The following ACACA variants were observed in gnomAD, a reference collection of about 807,000 sequenced individuals.
ACACA encodes acetyl-CoA carboxylase 1.
Under a neutral mutation model 296.1 loss-of-function variants are expected in ACACA, and 103 were observed. The observed-to-expected ratio is 0.35, with a 90% confidence interval of 0.30 to 0.41. The LOEUF (loss-of-function observed/expected upper bound fraction) is 0.41, where lower values mean the gene tolerates loss of function less well. Among genes scored for constraint, ACACA ranks in the 10% least tolerant of loss-of-function variants. ACACA has a pLI of 1.00. For synonymous variants in ACACA, 953 were observed against 1,038.6 expected, an observed-to-expected ratio of 0.92 and a Z score of 1.58; for missense variants, 1,554 against 2,989.7, an observed-to-expected ratio of 0.52 and a Z score of 11.20.
intron 51 of ACACA, among the ~76,000 whole-genome samples, chr17:37,112,810 T>C (rs532943809): frequency 1.6e-4 from 25 of 152,340 alleles, no homozygotes; most frequent in African/African-American, 5.8e-4. Context: ...TATGAAAGGA[T>C]GCCAGATTAG....
In ACACA at chr17:37,259,473, G is replaced by A; in HGVS notation, c.1387C>T (p.Leu463=). 6.2e-7 allele frequency: 1 copy of A among 1,614,110 alleles called. No homozygotes were observed. ...GYVSAGTVEY[L]YSQDGSFYFL... ...TAGAAGCTGCCATCCTGGCTGTACA[G>A]GTATTCCACAGTCCCAGCACTCACA... Residue 463 remains leucine, a synonymous_variant, in exon 12 of 56, where the codon CTG becomes TTG. Transcript: ENST00000616317.
intron 3 of ACACA, among the ~76,000 whole-genome samples, chr17:37,316,275 G>C (rs2047081935): frequency 6.8e-6 from 1 of 147,336 alleles, no homozygotes; most frequent in South Asian, 2.1e-4. Context: ...TCTGCACATT[G>C]TCTACCCTAC....
At chr17:37,240,172 C>T (rs1387647634) in intron 24 of ACACA, among the ~76,000 whole-genome samples, 2 of 152,300 alleles carry the variant, frequency 1.3e-5, no homozygotes, top group East Asian at 3.9e-4. Context: ...AACCAACTTA[C>T]ACTACACAAG....
At chr17:37,106,772 A>C (rs2073712055) in intron 52 of ACACA, among the ~76,000 whole-genome samples, 1 of 152,068 alleles carries the variant, frequency 6.6e-6, no homozygotes, top group African/African-American at 2.4e-5. Context: ...TTTGGGACCA[A>C]GACACATTCT....
chr17:37,232,847 C>A (rs1249864381), intron 25 of ACACA, among the ~76,000 whole-genome samples: 2 of 151,954 alleles, frequency 1.3e-5, no homozygotes, highest in Non-Finnish European at 2.9e-5. Flanking sequence ...TCCTGGTTCA[C>A]ATGTTCAACC....
At chr17:37,167,270 CTTT>C (rs11387933) in intron 41 of ACACA, among the ~76,000 whole-genome samples, 12 of 105,530 alleles carry the variant, frequency 1.1e-4, no homozygotes, top group Admixed American at 1.1e-4. Flanking sequence ...ATGGTATTTT[CTTT>C]TTTTTTTTTT....
At chr17:37,230,875 G>A (rs1014306259) in intron 25 of ACACA, among the ~76,000 whole-genome samples, 2 of 152,180 alleles carry the variant, frequency 1.3e-5, no homozygotes, top group African/African-American at 4.8e-5. Context: ...TGGGATTACA[G>A]GTCACTTGCA....
At chr17:37,313,575 G>A (rs918556118) in intron 3 of ACACA, among the ~76,000 whole-genome samples, 5 of 152,110 alleles carry the variant, frequency 3.3e-5, no homozygotes, top group Non-Finnish European at 5.9e-5. Flanking sequence ...ATGAAAAGGC[G>A]CTTAACATCA....
rs561832130 is a variant in ACACA, at chr17:37,281,610, G to A, written c.610+1657C>T. On this transcript the variant is annotated intron_variant, in intron 5 of 55. Transcript: ENST00000616317. Reference sequence around the variant, plus strand: ...GGACCGGGCGCAGTGGCTTACACCTGTAATCCTAGTACTTTGGGAGGCCAA... The same window carrying A: ...GGACCGGGCGCAGTGGCTTACACCTATAATCCTAGTACTTTGGGAGGCCAA... Among the ~76,000 whole-genome samples, 14 of 152,296 alleles carry A rather than the reference G, an allele frequency of 9.2e-5. No individual in the cohort carries two copies. The East Asian group carries it at 1.7e-3, about 19-fold the overall frequency.
chr17:37,144,001 G>A, intron 45 of ACACA: 1 of 809,256 alleles, frequency 1.2e-6, no homozygotes, highest in Admixed American at 1.7e-5. Context: ...GAACGCTGAA[G>A]GAAGCCTCTT....
chr17:37,339,002 A>C (rs1178391067), intron 2 of ACACA, among the ~76,000 whole-genome samples: 1 of 152,032 alleles, frequency 6.6e-6, no homozygotes, highest in Non-Finnish European at 1.5e-5. Flanking sequence ...AAAGGGAGGG[A>C]AAAAGAAAGA....
chr17:37,234,942 CG>C (rs769146088), intron 25 of ACACA, 32 bp downstream of exon 25: 2 of 1,612,550 alleles, frequency 1.2e-6, no homozygotes, highest in Non-Finnish European at 1.7e-6. Flanking sequence ...ATATCATTGA[CG>C]GTCTTTACAA....
chr17:37,151,862 G>A (rs577437982), intron 43 of ACACA, among the ~76,000 whole-genome samples: 2 of 151,762 alleles, frequency 1.3e-5, no homozygotes, highest in Admixed American at 6.6e-5. Flanking sequence ...GGGTTTCACC[G>A]TGTTAGCCAG....
intron 42 of ACACA, among the ~76,000 whole-genome samples, chr17:37,158,533 G>A (rs1358986266): frequency 6.6e-6 from 1 of 152,020 alleles, no homozygotes; most frequent in Non-Finnish European, 1.5e-5. Context: ...AGGAGGGTGA[G>A]GCTGGAAAAT....
chr17:37,301,463 C>A, intron 3 of ACACA: 1 of 935,912 alleles, frequency 1.1e-6, no homozygotes, highest in Non-Finnish European at 1.3e-6. Flanking sequence ...GCAGTTTACC[C>A]GGCAGACAGT....
At chr17:37,207,632 C>T in intron 31 of ACACA, 25 bp downstream of exon 31, 1 of 1,613,232 alleles carries the variant, frequency 6.2e-7, no homozygotes, top group Non-Finnish European at 8.5e-7. Context: ...TCCCCTTGTA[C>T]AGACATAGTT....
chr17:37,326,242 C>T (rs937707092), intron 3 of ACACA, among the ~76,000 whole-genome samples: 21 of 148,934 alleles, frequency 1.4e-4, no homozygotes, highest in Non-Finnish European at 4.4e-5. Context: ...CAGGGTCAGG[C>T]ATAGGCTGAC....
intron 41 of ACACA, among the ~76,000 whole-genome samples, chr17:37,173,997 TATATATATATATATA>T (rs1383558822): frequency 0.017 from 197 of 11,600 alleles, 14 homozygotes; most frequent in Non-Finnish European, 0.032. Context: ...TATATATATA[TATATATATATATATA>T]TATATATATT....
chr17:37,249,475 A>G (rs1016209148), intron 16 of ACACA, among the ~76,000 whole-genome samples: 2 of 152,162 alleles, frequency 1.3e-5, no homozygotes, highest in Non-Finnish European at 2.9e-5. Flanking sequence ...TCCCATCAAG[A>G]GTGCACAAGT....
Sources: gnomAD v4.1 joint callset for allele counts (sites outside exome capture counted in the v4.1 genomes callset) on GRCh38, gnomAD v4.1.1 for gene constraint, MANE v1.5 for transcripts, NCBI Gene and HGNC (gene_info 2026-07-23, HGNC 2026-07-21) for gene names.